KIF13A: variants seen among roughly 807,000 people sequenced by gnomAD.
KIF13A encodes the protein kinesin family member 13A.
KIF13A carries 79 observed loss-of-function variants against 212.2 expected under a neutral mutation model. That is an observed-to-expected ratio of 0.37 (90% CI 0.31 to 0.45). The LOEUF is 0.45. KIF13A is among the 20% of genes least tolerant of loss of function. KIF13A has a pLI of 1.00. For synonymous variants in KIF13A, 789 were observed against 808.6 expected, an observed-to-expected ratio of 0.98 and a Z score of 0.41; for missense variants, 1,901 against 2,209.0, an observed-to-expected ratio of 0.86 and a Z score of 2.79.
In KIF13A at chr6:17,772,646, C is replaced by G. The variant is rs567875257; in HGVS notation, c.4325-587G>C. Reference sequence around the variant, plus strand: ...CAGCTCACGCTGATTTTCCATTCCTCTGAATTCTCACAGCCCTTATTATCT... The same window carrying G: ...CAGCTCACGCTGATTTTCCATTCCTGTGAATTCTCACAGCCCTTATTATCT... On this transcript the variant is annotated intron_variant, in intron 36 of 38. Transcript: ENST00000259711. This position sits in a 1 kb window ranked among gnomAD's most constrained non-coding sequence, Gnocchi z 4.8. Among the ~76,000 whole-genome samples the G allele has an allele frequency of 6.6e-6, 1 of 152,372 alleles. No homozygotes were observed. The highest frequency in any genetic ancestry group is 2.1e-4 in the South Asian group (1 of 4,828).
chr6:17,822,617 CAG>C (rs1484064580), intron 16 of KIF13A, among the ~76,000 whole-genome samples: 9 of 152,126 alleles, frequency 5.9e-5, no homozygotes, highest in South Asian at 2.1e-4. Flanking sequence ...GTAAACTCTG[CAG>C]AGTTAGCGAC....
chr6:17,910,954 G>C (rs1006702216), intron 2 of KIF13A, among the ~76,000 whole-genome samples: 2 of 152,076 alleles, frequency 1.3e-5, no homozygotes, highest in Non-Finnish European at 2.9e-5. Context: ...TAGTAGAGAC[G>C]GGGTTTCTCC....
chr6:17,980,239 G>A (rs1780942136), intron 2 of KIF13A, among the ~76,000 whole-genome samples: 1 of 152,186 alleles, frequency 6.6e-6, no homozygotes, highest in African/African-American at 2.4e-5. Flanking sequence ...CTTTAAAGTA[G>A]AATATGATAC....
chr6:17,868,989 C>CAAA lies in KIF13A; in HGVS notation c.220+4385_220+4387dup, dbSNP rs71002278. Among the ~76,000 whole-genome samples, 92 of 20,938 alleles carry CAAA rather than the reference C, an allele frequency of 4.4e-3. 3 individuals are homozygous for CAAA. The highest frequency in any genetic ancestry group is 6.0e-3 in the South Asian group (1 of 166). 13.7% of individuals were successfully genotyped at this position (20,938 alleles called of 152,430 possible). ...TGGGCGACAGAGGGAGACTCCCTCT[C>CAAA]AAAAAAAAAAAAAAAAAAAAAAAAA... On this transcript the variant is annotated intron_variant, in intron 4 of 38. Transcript: ENST00000259711.
intron 2 of KIF13A, among the ~76,000 whole-genome samples, chr6:17,952,252 C>T (rs1220352065): frequency 1.3e-5 from 2 of 149,526 alleles, no homozygotes; most frequent in Non-Finnish European, 3.0e-5. Flanking sequence ...TGCCATGAGC[C>T]GAGATAGCGC....
Position 17,809,017 on chromosome 6 carries a change from G to C in KIF13A, c.2001-87C>G. The C allele has an allele frequency of 8.2e-7, 1 of 1,221,594 alleles. No homozygotes were observed. Among genetic ancestry groups the C allele is most frequent in the Non-Finnish European group, 1.1e-6 (1 of 899,436 alleles). The allele number at this position is 1,221,594 out of a possible 1,614,324, so 75.7% of individuals were successfully genotyped here. ...GTGAGCATCTTATTAGAAAATGGGA[G>C]AAAACTCCTCTCGGGCAGTATTTTT... On this transcript the variant is annotated intron_variant, in intron 17 of 38. Transcript: ENST00000259711. The surrounding 1 kb of genome is among the most constrained non-coding windows in gnomAD (Gnocchi z 4.7).
chr6:17,760,980 G>T, downstream of KIF13A: 1 of 1,186,782 alleles, frequency 8.4e-7, no homozygotes, highest in Non-Finnish European at 1.2e-6. Context: ...CAAGAAAGGG[G>T]CTCTTCCTGA....
At chr6:17,854,590 C>G (rs1767980410) in intron 6 of KIF13A, among the ~76,000 whole-genome samples, 1 of 112,518 alleles carries the variant, frequency 8.9e-6, no homozygotes, top group Non-Finnish European at 1.7e-5. Context: ...GAGTCTCCCT[C>G]TGTTCCCCAG....
intron 18 of KIF13A, among the ~76,000 whole-genome samples, chr6:17,808,386 A>AAAACAAAC (rs3076207): frequency 0.39 from 58,271 of 150,822 alleles, 12,136 homozygotes; most frequent in East Asian, 0.57. Context: ...ACTCAGTCTA[A>AAAACAAAC]AAACAAACAA....
At chr6:17,893,389 T>C (rs1156736677) in intron 3 of KIF13A, among the ~76,000 whole-genome samples, 1 of 152,254 alleles carries the variant, frequency 6.6e-6, no homozygotes, top group South Asian at 2.1e-4. Flanking sequence ...TTTGATGTTT[T>C]GATGGTTAAA....
chr6:17,985,640 T>TGGGGGGGGGGGGGGGGGGG (rs1457148104), intron 2 of KIF13A, among the ~76,000 whole-genome samples: 1 of 40,886 alleles, frequency 2.4e-5, no homozygotes, highest in Non-Finnish European at 4.2e-5. Context: ...TGCGGGGGGG[T>TGGGGGGGGGGGGGGGGGGG]GGGGGGAGGG....
chr6:17,809,879 A>G lies in KIF13A; in HGVS notation c.2001-949T>C, dbSNP rs564060520. 1.3e-5 allele frequency among the ~76,000 whole-genome samples: 2 copies of G among 152,322 alleles called. No individual in the cohort carries two copies. Among genetic ancestry groups the G allele is most frequent in the East Asian group, 3.9e-4 (2 of 5,180 alleles). On this transcript the variant is annotated intron_variant, in intron 17 of 38. Transcript: ENST00000259711. This position sits in a 1 kb window ranked among gnomAD's most constrained non-coding sequence, Gnocchi z 4.7. ...CTACTCCTCACTCGTCACCTTAGAAATGACAGAAGACGCATGCTGTGCGGA... is the reference window on the plus strand; with the variant it reads ...CTACTCCTCACTCGTCACCTTAGAAGTGACAGAAGACGCATGCTGTGCGGA...
At chr6:17,870,541 G>A (rs1033832920) in intron 4 of KIF13A, among the ~76,000 whole-genome samples, 24 of 152,032 alleles carry the variant, frequency 1.6e-4, no homozygotes, top group African/African-American at 5.3e-4. Flanking sequence ...AATGGAGGAT[G>A]TGATTCCAGA....
Position 17,799,326 on chromosome 6 carries a change from G to C in KIF13A, c.2730C>G (p.Pro910=), listed in dbSNP as rs376400471. 24 of 1,613,128 alleles carry C rather than the reference G, an allele frequency of 1.5e-5. No individual in the cohort carries two copies. The African/African-American group carries it at 3.2e-4, about 22-fold the overall frequency. ...ESTVAAPVVD[P]EVPSPQSKDA... ...CCTTGGACTGTGGTGAAGGCACCTCGGGGTCCACCACCGGGGCAGCCACCG... is the reference window on the plus strand; with the variant it reads ...CCTTGGACTGTGGTGAAGGCACCTCCGGGTCCACCACCGGGGCAGCCACCG... The change falls in exon 22 of 39, where the codon CCC becomes CCG. Residue 910 remains proline, a synonymous_variant. Transcript: ENST00000259711. The surrounding 1 kb of genome is among the most constrained non-coding windows in gnomAD (Gnocchi z 4.4).
At chr6:17,923,715 G>C (rs1775273641) in intron 2 of KIF13A, among the ~76,000 whole-genome samples, 2 of 152,194 alleles carry the variant, frequency 1.3e-5, no homozygotes, top group Admixed American at 1.3e-4. Flanking sequence ...TTCACGAGCT[G>C]CATGCCAAGA....
At position 17,987,039 on chromosome 6, in the gene KIF13A, C is replaced by G; in HGVS notation, c.146+15G>C. The G allele has an allele frequency of 1.2e-6, 2 of 1,607,688 alleles. No homozygotes were observed. Among genetic ancestry groups the G allele is most frequent in the Non-Finnish European group, 8.5e-7 (1 of 1,174,294 alleles). Reference sequence around the variant, plus strand: ...GGCTGGATCCTCCCAGCCGCCCTCTCGGAACCCGCTTTACCTTTCTCCCTG... The same window carrying G: ...GGCTGGATCCTCCCAGCCGCCCTCTGGGAACCCGCTTTACCTTTCTCCCTG... On this transcript the variant is annotated intron_variant, in intron 2 of 38. Coordinates refer to ENST00000259711, the MANE Select transcript of KIF13A (RefSeq NM_022113.6). The surrounding 1 kb of genome is among the most constrained non-coding windows in gnomAD (Gnocchi z 7.7).
rs770452075 is a variant in KIF13A, at chr6:17,764,174, G to A, written c.5354C>T (p.Ser1785Phe). 6.2e-7 allele frequency: 1 copy of A among 1,614,018 alleles called. No homozygotes were observed. The highest frequency in any genetic ancestry group is 2.2e-5 in the East Asian group (1 of 44,886). ...DGLHHPSQLH[S>F]KLENDQVIIP... is the part of the protein sequence containing the mutation. ...TATTACCTGGTCATTCTCTAACTTG[G>A]AATGCAGCTGGCTGGGGTGGTGGAG... Residue 1785 changes from serine to phenylalanine, a missense_variant, in exon 39 of 39, where the codon TCC (serine) becomes TTC (phenylalanine). Ser to Phe is a radical substitution (Grantham distance 155). Transcript: ENST00000259711. This position sits in a 1 kb window ranked among gnomAD's most constrained non-coding sequence, Gnocchi z 5.1.
At chr6:17,770,004 A>G (rs12524859) in intron 38 of KIF13A, among the ~76,000 whole-genome samples, 31,127 of 152,126 alleles carry the variant, frequency 0.2, 3,674 homozygotes, top group Admixed American at 0.29. Context: ...TTCTTTCTTC[A>G]CATTAGGAAT....
chr6:17,885,261 C>A (rs1771440996), intron 3 of KIF13A, among the ~76,000 whole-genome samples: 1 of 152,200 alleles, frequency 6.6e-6, no homozygotes, highest in African/African-American at 2.4e-5. Context: ...AGGAGGAACT[C>A]CAGCATGTAT....
Sources: gnomAD v4.1 joint callset for allele counts (sites outside exome capture counted in the v4.1 genomes callset) on GRCh38, gnomAD v4.1.1 for gene constraint, Gnocchi (gnomAD v3.1) non-coding constraint, MANE v1.5 for transcripts, NCBI Gene and HGNC (gene_info 2026-07-23, HGNC 2026-07-21) for gene names.